The following TONSL variants were observed in gnomAD, a reference collection of about 807,000 sequenced individuals.
TONSL encodes the protein tonsoku-like protein.
A neutral mutation model predicts 147.1 loss-of-function variants in TONSL; 112 were observed. The ratio of observed to expected loss-of-function variants is 0.76; its 90% CI spans 0.65 to 0.89. The LOEUF (loss-of-function observed/expected upper bound fraction) is 0.89, where lower values mean the gene tolerates loss of function less well. Among genes scored for constraint, TONSL ranks in the 40% least tolerant of loss-of-function variants. The pLI, the probability that TONSL is intolerant of heterozygous loss-of-function variation, is 0.00. For synonymous variants in TONSL, 868 were observed against 801.5 expected (o/e 1.08, Z -1.40); for missense variants, 1,883 against 1,864.6 (o/e 1.01, Z -0.18).
At position 144,438,687 on chromosome 8, in the gene TONSL, A is replaced by G; in HGVS notation, c.1529T>C (p.Leu510Pro). Residue 510 changes from leucine (L) to proline (P), a missense_variant, in exon 12 of 26, where the codon CTT becomes CCT. By Grantham distance (98) the Leu-to-Pro change is moderately conservative. Coordinates refer to ENST00000409379, the MANE Select transcript of TONSL (RefSeq NM_013432.5). ...CTTCCGCCGGCCCAGGTGGCCCTGA[A>G]GCTCCTCGTCCTCCTCCAGCTGCGG... ...LTPQLEEDEE[L>P]QGHLGRRKGS... 6.2e-7 allele frequency: 1 copy of G among 1,613,236 alleles called. No homozygotes were observed. Among genetic ancestry groups the G allele is most frequent in the Non-Finnish European group, 8.5e-7 (1 of 1,179,934 alleles).
chr8:144,440,637 G>A, intron 9 of TONSL, 81 bp downstream of exon 9: 1 of 1,552,440 alleles, frequency 6.4e-7, no homozygotes, highest in Non-Finnish European at 8.7e-7. Flanking sequence ...AAGGACACCT[G>A]TCCATGGCCA....
At chr8:144,433,434 T>G in intron 22 of TONSL, 154 bp downstream of exon 22, 1 of 755,290 alleles carries the variant, frequency 1.3e-6, no homozygotes, top group Non-Finnish European at 2.2e-6. Flanking sequence ...TTCCTGGAAC[T>G]CTTGGCTCAA....
chr8:144,438,589 C>A (rs750763882), intron 12 of TONSL, 29 bp from the exon 13 acceptor site: 7 of 1,612,924 alleles, frequency 4.3e-6, no homozygotes, highest in Non-Finnish European at 5.1e-6. Context: ...CAGCACAGGG[C>A]AGGGGCGTGA....
Position 144,435,881 on chromosome 8 carries a change from C to G in TONSL, c.2552G>C (p.Arg851Pro), listed in dbSNP as rs762451292. 6.3e-7 allele frequency: 1 copy of G among 1,595,330 alleles called. No homozygotes were observed. Among genetic ancestry groups the G allele is most frequent in the Non-Finnish European group, 8.6e-7 (1 of 1,168,204 alleles). ...PLTRSRRPRP[R>P]GTGDNRRPSS... The stretch of plus-strand genomic sequence containing the variant: ...GGGCCTGCGGTTGTCTCCAGTGCCC[C>G]GGGGGCGGGGCCGGCGGCTGCGGGT... The change falls in exon 17 of 26, where the codon CGG becomes CCG. Residue 851 changes from arginine to proline, a missense_variant. Physicochemically the swap from Arg to Pro is moderately radical, Grantham distance 103. Coordinates refer to ENST00000409379, the MANE Select transcript of TONSL (RefSeq NM_013432.5).
chr8:144,443,615 T>C (rs1823801229), intron 3 of TONSL, among the ~76,000 whole-genome samples: 1 of 152,192 alleles, frequency 6.6e-6, no homozygotes, highest in Non-Finnish European at 1.5e-5. Context: ...GCTTTTGGGA[T>C]GGGGCCTGAC....
chr8:144,442,297 C>T lies in TONSL; in HGVS notation c.694G>A (p.Ala232Thr). 1.3e-6 allele frequency: 2 copies of T among 1,599,024 alleles called. No homozygotes were observed. Among genetic ancestry groups the T allele is most frequent in the Non-Finnish European group, 1.7e-6 (2 of 1,169,688 alleles). Residue 232 changes from alanine to threonine, a missense_variant, in exon 6 of 26, where the codon GCG (alanine) becomes ACG (threonine). Coordinates refer to ENST00000409379, the MANE Select transcript of TONSL (RefSeq NM_013432.5). The stretch of plus-strand genomic sequence containing the variant: ...ATGAACCGCTTCCTCATGGTGTGCG[C>T]ACACTCCCGGGCACCCTCCAAGCAG... ...MRCLEGAREC[A>T]HTMRKRFMES...
Position 144,437,013 on chromosome 8 carries a change from T to G in TONSL, c.1726+14A>C. 6.2e-7 allele frequency: 1 copy of G among 1,613,194 alleles called. No individual in the cohort carries two copies. The highest frequency in any genetic ancestry group is 1.3e-5 in the African/African-American group (1 of 75,058). On this transcript the variant is annotated intron_variant, in intron 14 of 25. Transcript: ENST00000409379. Reference sequence around the variant, plus strand: ...CCACCAAGGTGCGCCAGGCTCCTTCTGTCCCTTGCTCACCTAGATGCCCGT... The same window carrying G: ...CCACCAAGGTGCGCCAGGCTCCTTCGGTCCCTTGCTCACCTAGATGCCCGT...
chr8:144,440,863 A>G lies in TONSL; in HGVS notation c.1019T>C (p.Phe340Ser). 6.2e-7 allele frequency: 1 copy of G among 1,612,802 alleles called. No individual in the cohort carries two copies. Among genetic ancestry groups the G allele is most frequent in the Non-Finnish European group, 8.5e-7 (1 of 1,179,916 alleles). The change falls in exon 9 of 26, where the codon TTT becomes TCT. Residue 340 changes from phenylalanine (F) to serine (S), a missense_variant. Phe to Ser is a radical substitution (Grantham distance 155, BLOSUM62 -2). Transcript: ENST00000409379. ...ACCCGGTCTGTCCAGCAGCTCAGCA[A>G]AACGCAGCTGGGGGCAGTGCCAGTG... Reference protein sequence around the residue: ...AAEAYQKQLRFAELLDRPGAE... With the variant: ...AAEAYQKQLRSAELLDRPGAE...
intron 13 of TONSL, 96 bp downstream of exon 13, chr8:144,438,375 T>G: frequency 3.0e-6 from 4 of 1,343,338 alleles, no homozygotes; most frequent in Non-Finnish European, 4.1e-6. Flanking sequence ...ATTTTGAAGA[T>G]GAGGAAGTTG....
At chr8:144,433,495 C>T (rs1823305237) in intron 22 of TONSL, 93 bp downstream of exon 22, 2 of 1,292,402 alleles carry the variant, frequency 1.5e-6, no homozygotes, top group African/African-American at 3.0e-5. Context: ...AGGTGTTGCC[C>T]CTGTGTGCCC....
Position 144,429,000 on chromosome 8 carries a change from A to G in TONSL, c.*143T>C. On this transcript the variant is annotated 3_prime_UTR_variant, in exon 26 of 26. Transcript: ENST00000409379. ...GAGACGGGGTTTCACCATGTTAGCC[A>G]GGATGGTCTCGATCTCCTGACCTCG... The G allele has an allele frequency of 3.2e-6, 3 of 939,470 alleles. No individual in the cohort carries two copies. The highest frequency in any genetic ancestry group is 4.5e-6 in the Non-Finnish European group (3 of 668,192). The allele number at this position is 939,470 out of a possible 1,614,324, so 58.2% of individuals were successfully genotyped here.
chr8:144,439,422 C>T (rs541620337), intron 11 of TONSL, among the ~76,000 whole-genome samples: 107 of 151,924 alleles, frequency 7.0e-4, no homozygotes, highest in African/African-American at 2.3e-3. Flanking sequence ...GTTCTAACGA[C>T]GCCCTCGAGT....
chr8:144,435,763 T>A lies in TONSL; in HGVS notation c.2670A>T (p.Pro890=). The change falls in exon 17 of 26, where the codon CCA becomes CCT. Residue 890 remains proline (P), a synonymous_variant. Transcript: ENST00000409379. Reference sequence around the variant, plus strand: ...CCAGGCTGCTGGGCCCTGCGTTAACTGGCGCACTGCAACTCTGCATGCAGG... The same window carrying A: ...CCAGGCTGCTGGGCCCTGCGTTAACAGGCGCACTGCAACTCTGCATGCAGG... The part of the protein sequence containing the change: ...RLTCMQSCSA[P]VNAGPSSLAS... 6.2e-7 allele frequency: 1 copy of A among 1,612,864 alleles called. No homozygotes were observed.
rs1312349482 is a variant in TONSL, at chr8:144,435,057, G to A, written c.2966C>T (p.Pro989Leu). The A allele has an allele frequency of 6.2e-7, 1 of 1,611,566 alleles. No individual in the cohort carries two copies. Among genetic ancestry groups the A allele is most frequent in the Non-Finnish European group, 8.5e-7 (1 of 1,179,400 alleles). The change falls in exon 19 of 26, where the codon CCA (proline) becomes CTA (leucine). Residue 989 changes from proline to leucine, a missense_variant. By Grantham distance (98) the Pro-to-Leu change is moderately conservative. Coordinates refer to ENST00000409379, the MANE Select transcript of TONSL (RefSeq NM_013432.5). ...TLRKEGALLA[P>L]QDLIPDVLQS... ...CAGCACATCAGGGATGAGGTCCTGT[G>A]GGGCCAGCAGGGCCCCCTCTTTCCG...
Position 144,434,172 on chromosome 8 carries a change from C to A in TONSL, c.3193G>T (p.Ala1065Ser), listed in dbSNP as rs782073584. ...CGGAGTGCTGTGTGCAGCTTGAGGG[C>A]CCGCAGCAGGGGTGTAAGCTGGGCC... ...DQAQLTPLLR[A>S]LKLHTALREL... The change falls in exon 21 of 26, where the codon GCC (alanine) becomes TCC (serine). Residue 1065 changes from alanine to serine, a missense_variant. By Grantham distance (99) the Ala-to-Ser change is moderately conservative (BLOSUM62 1). Coordinates refer to ENST00000409379, the MANE Select transcript of TONSL (RefSeq NM_013432.5). 2.5e-6 allele frequency: 4 copies of A among 1,607,370 alleles called. No individual in the cohort carries two copies. The highest frequency in any genetic ancestry group is 3.4e-6 in the Non-Finnish European group (4 of 1,176,568).
At chr8:144,443,763 C>T (rs979932907) in intron 3 of TONSL, 119 bp downstream of exon 3, 3 of 1,387,212 alleles carry the variant, frequency 2.2e-6, no homozygotes, top group African/African-American at 1.4e-5. Flanking sequence ...GGCAAGGCTG[C>T]GTCAGGTCAG....
chr8:144,440,311 C>T (rs751197810), intron 10 of TONSL, 40 bp downstream of exon 10: 40 of 1,564,192 alleles, frequency 2.6e-5, no homozygotes, highest in Non-Finnish European at 3.3e-5. Flanking sequence ...CGAAGCTGGG[C>T]TCACCGGGGA....
intron 23 of TONSL, 43 bp from the exon 24 acceptor site, chr8:144,431,194 C>G (rs916929610): frequency 1.9e-6 from 3 of 1,600,102 alleles, no homozygotes; most frequent in Non-Finnish European, 2.6e-6. Flanking sequence ...CGGAGTGGCG[C>G]ACCTGCCCTG....
At chr8:144,430,332 A>G in intron 25 of TONSL, 72 bp downstream of exon 25, 1 of 1,439,084 alleles carries the variant, frequency 6.9e-7, no homozygotes, top group Admixed American at 2.7e-5. Flanking sequence ...CCTTAGGAGG[A>G]GGCACCTGGG....
Sources: gnomAD v4.1 joint callset for allele counts (sites outside exome capture counted in the v4.1 genomes callset) on GRCh38, gnomAD v4.1.1 for gene constraint, MANE v1.5 for transcripts, NCBI Gene and HGNC (gene_info 2026-07-23, HGNC 2026-07-21) for gene names.